Variants in ARL15 observed in about 807,000 individuals in gnomAD.
The protein encoded by ARL15 is ARF like GTPase 15.
ARL15 carries 19 observed loss-of-function variants against 25.2 expected under a neutral mutation model. The ratio of observed to expected loss-of-function variants is 0.75; its 90% confidence interval spans 0.53 to 1.10. ARL15 has a LOEUF of 1.10. Among genes scored for constraint, ARL15 ranks in the 50% least tolerant of loss-of-function variants. The pLI, the probability that ARL15 is intolerant of heterozygous loss-of-function variation, is 0.00. For missense variants in ARL15, 220 were observed against 246.0 expected, an observed-to-expected ratio of 0.89 and a Z score of 0.71; for synonymous variants, 94 against 86.8, an observed-to-expected ratio of 1.08 and a Z score of -0.46.
intron 4 of ARL15, among the ~76,000 whole-genome samples, chr5:54,094,797 G>C (rs927266486): frequency 2.0e-5 from 3 of 152,062 alleles, no homozygotes; most frequent in African/African-American, 7.2e-5. Context: ...GAATAAATTT[G>C]TTCATCTGAC....
At position 54,113,819 on chromosome 5, in the gene ARL15, C is replaced by T. The variant is rs971518570; in HGVS notation, c.254-409G>A. On this transcript the variant is annotated intron_variant, in intron 3 of 4. Transcript: ENST00000504924. ...GCTGCATGGCCTAGACATCCACCAACGCTTCTTTCCAAACCATTAACATTA... is the reference window on the plus strand; with the variant it reads ...GCTGCATGGCCTAGACATCCACCAATGCTTCTTTCCAAACCATTAACATTA... 5.3e-5 allele frequency among the ~76,000 whole-genome samples: 8 copies of T among 152,180 alleles called. No homozygotes were observed. The East Asian group carries it at 5.8e-4, about 11-fold the overall frequency.
At chr5:54,220,483 G>A (rs2112529494) in intron 1 of ARL15, among the ~76,000 whole-genome samples, 1 of 152,250 alleles carries the variant, frequency 6.6e-6, no homozygotes, top group African/African-American at 2.4e-5. Flanking sequence ...GTTTCTGTTT[G>A]ACCTGTTTCA....
chr5:54,029,914 G>A (rs982777540), intron 4 of ARL15, among the ~76,000 whole-genome samples: 4 of 151,886 alleles, frequency 2.6e-5, no homozygotes, highest in East Asian at 3.9e-4. Flanking sequence ...GGAGAATTAC[G>A]TGAACCTGGG....
chr5:54,032,054 C>T (rs996781997), intron 4 of ARL15, among the ~76,000 whole-genome samples: 3 of 152,120 alleles, frequency 2.0e-5, no homozygotes, highest in African/African-American at 7.2e-5. Context: ...CATTTTCCAC[C>T]TCATACTGAC....
intron 4 of ARL15, among the ~76,000 whole-genome samples, chr5:54,111,636 C>T (rs1308607988): frequency 6.6e-6 from 1 of 151,924 alleles, no homozygotes; most frequent in Non-Finnish European, 1.5e-5. Context: ...ATAAAGTTAT[C>T]TGAAGTTAAA....
At chr5:53,917,021 A>G (rs186614936) in intron 4 of ARL15, among the ~76,000 whole-genome samples, 94 of 152,340 alleles carry the variant, frequency 6.2e-4, no homozygotes, top group African/African-American at 2.1e-3. Flanking sequence ...CTAGGGGAAG[A>G]CAACAGTTTT....
chr5:54,080,898 A>T (rs1273344915), intron 4 of ARL15, among the ~76,000 whole-genome samples: 2 of 152,192 alleles, frequency 1.3e-5, no homozygotes, highest in African/African-American at 2.4e-5. Flanking sequence ...CAAGACGCCA[A>T]ATGGTCAGTT....
At chr5:54,234,845 AAT>A (rs1756761750) in intron 1 of ARL15, among the ~76,000 whole-genome samples, 1 of 152,248 alleles carries the variant, frequency 6.6e-6, no homozygotes, top group Non-Finnish European at 1.5e-5. Context: ...ATAAAATAAT[AAT>A]ATATGAGCAT....
At chr5:54,045,255 G>T (rs939182499) in intron 4 of ARL15, among the ~76,000 whole-genome samples, 1 of 152,072 alleles carries the variant, frequency 6.6e-6, no homozygotes. Flanking sequence ...GCCACCATTT[G>T]TTCTAAGTAT....
chr5:54,201,750 G>A (rs1460443407), intron 1 of ARL15, among the ~76,000 whole-genome samples: 1 of 152,072 alleles, frequency 6.6e-6, no homozygotes, highest in East Asian at 1.9e-4. Context: ...CTATACCTAT[G>A]GTGATGGTCC....
chr5:54,299,018 C>A lies in ARL15; in HGVS notation c.48+11414G>T, dbSNP rs72756291. 9.3e-3 allele frequency among the ~76,000 whole-genome samples: 1,413 copies of A among 152,190 alleles called. 7 individuals are homozygous for A. The highest frequency in any genetic ancestry group is 0.021 in the Middle Eastern group (6 of 292). On this transcript the variant is annotated intron_variant, in intron 1 of 4. Transcript: ENST00000504924. The stretch of plus-strand genomic sequence containing the variant: ...TCCCAGGCTCAGGTGATCCTCCTGC[C>A]TCAGCCTCCCAGGTAATTGGGGCCA...
chr5:54,185,218 TTC>T (rs1333244523), intron 1 of ARL15, among the ~76,000 whole-genome samples: 3 of 152,168 alleles, frequency 2.0e-5, no homozygotes, highest in Non-Finnish European at 4.4e-5. Context: ...TTCTGATCCA[TTC>T]TCTTTCCGGC....
chr5:54,180,542 C>CT (rs1375044377), intron 1 of ARL15, among the ~76,000 whole-genome samples: 1 of 152,158 alleles, frequency 6.6e-6, no homozygotes, highest in Non-Finnish European at 1.5e-5. Context: ...TCCTGTCATC[C>CT]TTTAAGACCC....
chr5:54,097,872 C>T (rs1248277798), intron 4 of ARL15, among the ~76,000 whole-genome samples: 1 of 152,186 alleles, frequency 6.6e-6, no homozygotes, highest in Non-Finnish European at 1.5e-5. Context: ...GACATCAGTG[C>T]TGATGTGCAG....
chr5:53,916,557 G>GTAT (rs889642548), intron 4 of ARL15, among the ~76,000 whole-genome samples: 4 of 151,982 alleles, frequency 2.6e-5, no homozygotes, highest in African/African-American at 9.7e-5. Context: ...AGAACACAAA[G>GTAT]TATTATTATT....
chr5:54,069,558 CAAAAAAAAAA>C (rs34795383), intron 4 of ARL15, among the ~76,000 whole-genome samples: 7 of 48,076 alleles, frequency 1.5e-4, no homozygotes, highest in Non-Finnish European at 2.3e-4. Context: ...CAAAACGTCT[CAAAAAAAAAA>C]AAAAAAAAAA....
intron 2 of ARL15, among the ~76,000 whole-genome samples, chr5:54,156,804 G>A (rs1156584237): frequency 6.6e-6 from 1 of 152,160 alleles, no homozygotes; most frequent in East Asian, 1.9e-4. Context: ...CCTAGTAAAT[G>A]AGCAGGAGGA....
intron 3 of ARL15, among the ~76,000 whole-genome samples, chr5:54,138,695 G>C (rs1375262139): frequency 6.6e-6 from 1 of 152,066 alleles, no homozygotes; most frequent in Admixed American, 6.5e-5. Context: ...AAACTAAAAA[G>C]CTTCTGCACA....
At chr5:53,987,005 A>T (rs1561177555) in intron 4 of ARL15, among the ~76,000 whole-genome samples, 1 of 152,222 alleles carries the variant, frequency 6.6e-6, no homozygotes, top group African/African-American at 2.4e-5. Context: ...AAGTTAGTAC[A>T]GCTGGAATGG....
Sources: allele counts gnomAD v4.1 joint callset (sites outside exome capture counted in the v4.1 genomes callset), GRCh38; gene constraint gnomAD v4.1.1; transcripts MANE v1.5; gene names NCBI Gene and HGNC (gene_info 2026-07-23, HGNC 2026-07-21).